The following ZNF827 variants were observed in gnomAD, a reference collection of about 807,000 sequenced individuals.
ZNF827 encodes zinc finger protein 827.
A neutral mutation model predicts 102.4 loss-of-function variants in ZNF827; 13 were observed. The observed-to-expected ratio is 0.13, with a 90% CI of 0.08 to 0.20. The LOEUF (loss-of-function observed/expected upper bound fraction) is 0.20, where lower values mean the gene tolerates loss of function less well. ZNF827 is among the 10% of genes least tolerant of loss of function. ZNF827 has a pLI of 1.00. For synonymous variants in ZNF827, 523 were observed against 536.2 expected, an observed-to-expected ratio of 0.98 and a Z score of 0.34; for missense variants, 1,103 against 1,344.4, an observed-to-expected ratio of 0.82 and a Z score of 2.81.
chr4:145,892,489 C>T lies in ZNF827; in HGVS notation c.1094-74G>A, dbSNP rs1750678995. The T allele has an allele frequency of 1.8e-5, 25 of 1,399,344 alleles. No homozygotes were observed. The South Asian group carries it at 2.2e-4, about 12-fold the overall frequency. The allele number at this position is 1,399,344 out of a possible 1,614,324, so 86.7% of individuals were successfully genotyped here. ...ACTGCATCTGGCATTAATTCACATA[C>T]ACTGCCATATAAAAAGCACTAAAAA... On this transcript the variant is annotated intron_variant, in intron 2 of 14. Transcript: ENST00000508784.
At chr4:145,778,118 C>A (rs1158800963) in intron 9 of ZNF827, among the ~76,000 whole-genome samples, 1 of 151,746 alleles carries the variant, frequency 6.6e-6, no homozygotes, top group African/African-American at 2.4e-5. Flanking sequence ...ATGGAGAAAC[C>A]CCATTTCTAC....
chr4:145,923,294 C>A (rs907545001), intron 1 of ZNF827, among the ~76,000 whole-genome samples: 3 of 152,006 alleles, frequency 2.0e-5, no homozygotes, highest in African/African-American at 7.3e-5. Flanking sequence ...TCAGATATGC[C>A]ATCCAAAACA....
chr4:145,768,443 G>T (rs1296810099), intron 11 of ZNF827, among the ~76,000 whole-genome samples: 4 of 152,142 alleles, frequency 2.6e-5, no homozygotes, highest in African/African-American at 9.7e-5. Flanking sequence ...GGGATTACAA[G>T]CATGAGCCAC....
chr4:145,829,157 A>ATT (rs34268634), intron 7 of ZNF827, among the ~76,000 whole-genome samples: 1 of 151,986 alleles, frequency 6.6e-6, no homozygotes, highest in Non-Finnish European at 1.5e-5. Flanking sequence ...GAAGAAACAG[A>ATT]TTTTTTTTCT....
chr4:145,861,395 T>C (rs966145351), intron 5 of ZNF827, among the ~76,000 whole-genome samples: 1 of 152,144 alleles, frequency 6.6e-6, no homozygotes, highest in African/African-American at 2.4e-5. Context: ...GGAAAACTTG[T>C]CCTATGAGTG....
At chr4:145,903,741 T>A (rs1314068867) in intron 1 of ZNF827, among the ~76,000 whole-genome samples, 1 of 152,216 alleles carries the variant, frequency 6.6e-6, no homozygotes, top group East Asian at 1.9e-4. Flanking sequence ...ATTCATTTTT[T>A]AAAAAGCTTA....
chr4:145,790,175 A>G (rs1205256212), intron 8 of ZNF827, among the ~76,000 whole-genome samples: 2 of 152,236 alleles, frequency 1.3e-5, no homozygotes, highest in Non-Finnish European at 2.9e-5. Context: ...TTCAAAAGTT[A>G]TCTTCTATAA....
intron 8 of ZNF827, among the ~76,000 whole-genome samples, chr4:145,801,898 G>A (rs1300016455): frequency 6.8e-6 from 1 of 147,304 alleles, no homozygotes; most frequent in Non-Finnish European, 1.5e-5. Context: ...ATTTCAACGT[G>A]AGCATTCTAC....
intron 9 of ZNF827, among the ~76,000 whole-genome samples, chr4:145,778,223 T>A (rs562241310): frequency 9.2e-5 from 14 of 152,226 alleles, no homozygotes; most frequent in African/African-American, 3.1e-4. Flanking sequence ...AACTTCCACC[T>A]CCTGGGTTCA....
At chr4:145,878,312 A>G (rs1749331405) in intron 4 of ZNF827, among the ~76,000 whole-genome samples, 1 of 152,118 alleles carries the variant, frequency 6.6e-6, no homozygotes, top group Non-Finnish European at 1.5e-5. Flanking sequence ...CAGGAACAAC[A>G]TGAGTAAAGG....
At chr4:145,859,159 G>A (rs1207861940) in intron 5 of ZNF827, among the ~76,000 whole-genome samples, 1 of 152,084 alleles carries the variant, frequency 6.6e-6, no homozygotes, top group Non-Finnish European at 1.5e-5. Flanking sequence ...CAGAACCCAG[G>A]CAATACCAGG....
chr4:145,815,933 A>G (rs1742553005), intron 8 of ZNF827, among the ~76,000 whole-genome samples: 2 of 152,276 alleles, frequency 1.3e-5, no homozygotes, highest in Non-Finnish European at 2.9e-5. Context: ...GTGAGCACAT[A>G]TAAATTTGAT....
intron 8 of ZNF827, among the ~76,000 whole-genome samples, chr4:145,817,784 CA>C (rs918864673): frequency 1.3e-4 from 20 of 152,294 alleles, no homozygotes; most frequent in African/African-American, 4.8e-4. Flanking sequence ...GGGCTAGGAC[CA>C]AACCCAAGTT....
chr4:145,775,744 A>G (rs1250859537), intron 10 of ZNF827, 45 bp downstream of exon 10: 1 of 1,609,958 alleles, frequency 6.2e-7, no homozygotes, highest in Admixed American at 1.7e-5. Context: ...TGTTGAAGTC[A>G]AGAGTCTGAG....
At chr4:145,838,495 G>A (rs1168094189) in intron 7 of ZNF827, among the ~76,000 whole-genome samples, 4 of 152,090 alleles carry the variant, frequency 2.6e-5, no homozygotes, top group Non-Finnish European at 4.4e-5. Flanking sequence ...TCACAGGGAC[G>A]CGCATGAAAA....
rs765602605 is a variant in ZNF827 at position 145,870,502 on chromosome 4, A to T, written c.1748-24T>A. On this transcript the variant is annotated intron_variant, in intron 4 of 14. Coordinates refer to ENST00000508784, the MANE Select transcript of ZNF827 (RefSeq NM_001306215.2). ...AGCTGTCAAAAGAAAAAAAGGGATT[A>T]TATATACATAAAAGGCCACTCCCCT... The T allele has an allele frequency of 5.6e-6, 9 of 1,606,426 alleles. No individual in the cohort carries two copies. The African/African-American group carries it at 9.4e-5, about 17-fold the overall frequency.
At chr4:145,898,277 A>G (rs1219023217) in intron 2 of ZNF827, among the ~76,000 whole-genome samples, 23 of 152,174 alleles carry the variant, frequency 1.5e-4, no homozygotes, top group Admixed American at 1.5e-3. Context: ...ATTAAAGAAA[A>G]CAGCAGCCAG....
At chr4:145,822,121 A>G (rs1021737842) in intron 8 of ZNF827, among the ~76,000 whole-genome samples, 2 of 152,232 alleles carry the variant, frequency 1.3e-5, no homozygotes, top group Non-Finnish European at 1.5e-5. Context: ...GTATGAAGAC[A>G]TAAACTAGAC....
chr4:145,907,667 C>G (rs765803800), intron 1 of ZNF827, among the ~76,000 whole-genome samples: 23 of 152,180 alleles, frequency 1.5e-4, no homozygotes, highest in Non-Finnish European at 3.1e-4. Context: ...GGGGAAGCCT[C>G]TAAGTGGCCA....
Sources: allele counts gnomAD v4.1 joint callset (sites outside exome capture counted in the v4.1 genomes callset), GRCh38; gene constraint gnomAD v4.1.1; transcripts MANE v1.5; gene names NCBI Gene and HGNC (gene_info 2026-07-23, HGNC 2026-07-21).